The following MAST2 variants were observed in gnomAD, a reference collection of about 807,000 sequenced individuals.
MAST2 encodes microtubule associated serine/threonine kinase 2, also known as microtubule-associated serine/threonine-protein kinase 2.
In MAST2, 70 loss-of-function variants were observed where a neutral mutation model predicts 147.4. The ratio of observed to expected loss-of-function variants is 0.47; its 90% CI spans 0.39 to 0.58. MAST2 has a LOEUF of 0.58. Ranked by LOEUF, MAST2 falls within the 20% of genes least tolerant of loss-of-function variation. The pLI is 0.00. For missense variants in MAST2, 2,080 were observed against 2,302.3 expected (o/e 0.90, Z 1.98); for synonymous variants, 869 against 896.8 (o/e 0.97, Z 0.55).
chr1:46,020,622 G>A (rs867217427), intron 11 of MAST2, among the ~76,000 whole-genome samples: 40 of 152,206 alleles, frequency 2.6e-4, no homozygotes, highest in Middle Eastern at 6.8e-3. Context: ...TTGTAGAATC[G>A]TGGCCACAGC....
Position 45,824,508 on chromosome 1 carries a change from G to C in MAST2, c.253G>C (p.Val85Leu). The C allele has an allele frequency of 6.2e-7, 1 of 1,612,330 alleles. No homozygotes were observed. Among genetic ancestry groups the C allele is most frequent in the Non-Finnish European group, 8.5e-7 (1 of 1,178,942 alleles). The change falls in exon 2 of 29, where the codon GTT becomes CTT. Residue 85 changes from valine to leucine, a missense_variant. Around this residue, in one of 4 missense-constraint regions of MAST2, gnomAD observed 569 missense variants for 642.5 expected, o/e 0.89. Coordinates refer to ENST00000361297, the MANE Select transcript of MAST2 (RefSeq NM_015112.3). Reference sequence around the variant, plus strand: ...TGACATATTTTCATCCACTGGAAAAGTTAAACTTCAGCGACAACTGAGTCA... The same window carrying C: ...TGACATATTTTCATCCACTGGAAAACTTAAACTTCAGCGACAACTGAGTCA... ...NPDIFSSTGKVKLQRQLSQDD... is the reference protein window; with the variant it reads ...NPDIFSSTGKLKLQRQLSQDD...
chr1:45,978,978 C>A (rs1401502813), intron 5 of MAST2, among the ~76,000 whole-genome samples: 1 of 152,158 alleles, frequency 6.6e-6, no homozygotes, highest in Non-Finnish European at 1.5e-5. Flanking sequence ...CTAAAAACCT[C>A]TAAACTGCAC....
Position 46,030,169 on chromosome 1 carries a change from GGAA to G in MAST2, c.2489_2491del (p.Glu830del). The G allele has an allele frequency of 6.2e-7, 1 of 1,614,270 alleles. No homozygotes were observed. Among genetic ancestry groups the G allele is most frequent in the Non-Finnish European group, 8.5e-7 (1 of 1,180,058 alleles). ...ACCACCACATGGACTCGGAGGATGA[GGAA>G]GAAGTGAGTGAGGATGGCTGCCTTG... On this transcript the variant is annotated inframe_deletion, in exon 21 of 29. Coordinates refer to ENST00000361297, the MANE Select transcript of MAST2 (RefSeq NM_015112.3).
intron 5 of MAST2, among the ~76,000 whole-genome samples, chr1:45,991,677 G>T (rs932253658): frequency 1.3e-5 from 2 of 152,000 alleles, no homozygotes; most frequent in Non-Finnish European, 2.9e-5. Flanking sequence ...TTCATTTCTG[G>T]TATAAAGGGA....
intron 4 of MAST2, among the ~76,000 whole-genome samples, chr1:45,945,852 C>T (rs187794875): frequency 6.8e-4 from 104 of 152,212 alleles, no homozygotes; most frequent in African/African-American, 2.3e-3. Flanking sequence ...TAAAGACAAA[C>T]CAAATATACC....
intron 4 of MAST2, among the ~76,000 whole-genome samples, chr1:45,922,899 C>A (rs1369242778): frequency 1.3e-5 from 2 of 152,186 alleles, no homozygotes; most frequent in African/African-American, 4.8e-5. Flanking sequence ...TCCAACGCAT[C>A]GAGTCTGGTG....
At chr1:45,813,016 T>TA (rs964763200) in intron 1 of MAST2, among the ~76,000 whole-genome samples, 45 of 152,302 alleles carry the variant, frequency 3.0e-4, no homozygotes, top group Admixed American at 2.7e-3. Context: ...CCCCTGCAGA[T>TA]ACCAAACTCT....
chr1:45,832,305 C>CTTTCT (rs1644982335), intron 3 of MAST2, among the ~76,000 whole-genome samples: 1 of 143,700 alleles, frequency 7.0e-6, no homozygotes, highest in African/African-American at 2.5e-5. Context: ...TTCTTTCTTT[C>CTTTCT]TTTTTTTTTT....
chr1:45,883,144 C>G (rs2148311700), intron 4 of MAST2, among the ~76,000 whole-genome samples: 2 of 152,172 alleles, frequency 1.3e-5, no homozygotes, highest in South Asian at 4.2e-4. Flanking sequence ...TCTGGGGAAC[C>G]CTAAGGAAAT....
At chr1:45,881,942 C>T (rs962233020) in intron 3 of MAST2, among the ~76,000 whole-genome samples, 8 of 140,060 alleles carry the variant, frequency 5.7e-5, no homozygotes, top group African/African-American at 7.9e-5. Flanking sequence ...TTTGGGAGGC[C>T]GAGGCGGGCG....
At position 45,963,980 on chromosome 1, in the gene MAST2, G is replaced by A. The variant is rs546282199; in HGVS notation, c.592+4503G>A. On this transcript the variant is annotated intron_variant, in intron 5 of 28. Coordinates refer to ENST00000361297, the MANE Select transcript of MAST2 (RefSeq NM_015112.3). Reference sequence around the variant, plus strand: ...CTGCATCTATTGAGATAATCATGTGGTTTTTGTCTTTGGTTCTGTTTATAT... The same window carrying A: ...CTGCATCTATTGAGATAATCATGTGATTTTTGTCTTTGGTTCTGTTTATAT... Among the ~76,000 whole-genome samples, 282 of 152,272 alleles carry A rather than the reference G, an allele frequency of 1.9e-3. 1 individual carries two copies. The highest frequency in any genetic ancestry group is 6.8e-3 in the Middle Eastern group (2 of 294).
chr1:45,846,212 A>G (rs997192908), intron 3 of MAST2, among the ~76,000 whole-genome samples: 1 of 151,988 alleles, frequency 6.6e-6, no homozygotes, highest in Admixed American at 6.6e-5. Flanking sequence ...ATTTTCCCTT[A>G]TGTTGTAAAA....
At chr1:45,987,777 ATTTTTTTTT>A in intron 5 of MAST2, among the ~76,000 whole-genome samples, 59 of 21,808 alleles carry the variant, frequency 2.7e-3, no homozygotes, top group Non-Finnish European at 3.8e-3. Flanking sequence ...TTTTTTTTTG[ATTTTTTTTT>A]TTTTTTTTTT....
intron 5 of MAST2, among the ~76,000 whole-genome samples, chr1:45,987,776 G>GTTTTTTTTTTTTTT (rs1644692974): frequency 6.8e-4 from 21 of 30,696 alleles, no homozygotes; most frequent in African/African-American, 1.1e-3. Flanking sequence ...TTTTTTTTTT[G>GTTTTTTTTTTTTTT]ATTTTTTTTT....
chr1:45,925,921 C>T (rs774155779), intron 4 of MAST2, among the ~76,000 whole-genome samples: 54 of 152,182 alleles, frequency 3.5e-4, no homozygotes, highest in Non-Finnish European at 7.1e-4. Flanking sequence ...GGTAGACTTG[C>T]GTGGCAAATG....
chr1:45,869,015 CTT>C (rs1646273296), intron 3 of MAST2, among the ~76,000 whole-genome samples: 1 of 152,184 alleles, frequency 6.6e-6, no homozygotes, highest in Non-Finnish European at 1.5e-5. Context: ...TTATCTCACT[CTT>C]GTCCCTCTTC....
intron 5 of MAST2, among the ~76,000 whole-genome samples, chr1:45,985,749 A>G (rs1276243089): frequency 6.6e-6 from 1 of 152,208 alleles, no homozygotes; most frequent in Non-Finnish European, 1.5e-5. Context: ...ACCCATGAAC[A>G]TGCTTTGTTT....
At position 46,001,626 on chromosome 1, in the gene MAST2, GTGC is replaced by G. The variant is rs60513958; in HGVS notation, c.669-1172_669-1170del. ...GTTCCAGCAGAGTTATAGCCTATAT[GTGC>G]TGCTGCCAGGGTGGCATGAAGTTTG... On this transcript the variant is annotated intron_variant, in intron 6 of 28. Transcript: ENST00000361297. 6.6e-3 allele frequency among the ~76,000 whole-genome samples: 1,009 copies of G among 152,292 alleles called. 11 individuals are homozygous for G. The highest frequency in any genetic ancestry group is 0.023 in the African/African-American group (973 of 41,538).
intron 4 of MAST2, among the ~76,000 whole-genome samples, chr1:45,891,195 A>G (rs1268137440): frequency 6.6e-6 from 1 of 152,200 alleles, no homozygotes; most frequent in Non-Finnish European, 1.5e-5. Flanking sequence ...GTCTATAGAC[A>G]AACATTATTT....
Sources: gnomAD v4.1 joint callset for allele counts (sites outside exome capture counted in the v4.1 genomes callset) on GRCh38, gnomAD v4.1.1 for gene constraint, gnomAD v4.1.1 regional missense constraint, MANE v1.5 for transcripts, NCBI Gene and HGNC (gene_info 2026-07-23, HGNC 2026-07-21) for gene names.